KCNQ1: variants seen among roughly 807,000 people sequenced by gnomAD.
KCNQ1 encodes the protein potassium voltage-gated channel subfamily KQT member 1.
In KCNQ1, 49 loss-of-function variants were observed where a neutral mutation model predicts 72.4. That is an observed-to-expected ratio of 0.68 (90% confidence interval 0.54 to 0.86). The LOEUF (loss-of-function observed/expected upper bound fraction) is 0.86. Among genes scored for constraint, KCNQ1 ranks in the 40% least tolerant of loss-of-function variants. The pLI is 0.00. For synonymous variants in KCNQ1, 450 were observed against 412.6 expected (o/e 1.09, Z -1.10); for missense variants, 790 against 945.1 (o/e 0.84, Z 2.15).
At chr11:2,795,870 CG>C (rs1242713011) in intron 15 of KCNQ1, among the ~76,000 whole-genome samples, 1 of 152,080 alleles carries the variant, frequency 6.6e-6, no homozygotes, top group African/African-American at 2.4e-5. Context: ...TCCCATGGGG[CG>C]GGGGCCGGGG....
rs12275365 is a variant in KCNQ1, at chr11:2,830,604, G to A, written c.1795-17163G>A. 5.4e-3 allele frequency among the ~76,000 whole-genome samples: 819 copies of A among 152,232 alleles called. 6 individuals carry two copies. The highest frequency in any genetic ancestry group is 0.019 in the African/African-American group (786 of 41,546). ...AATCTCTCATCAACTCACAGGGTCAGCCTGGGCCAGGCAGGCTGGGGGCCA... is the reference window on the plus strand; with the variant it reads ...AATCTCTCATCAACTCACAGGGTCAACCTGGGCCAGGCAGGCTGGGGGCCA... On this transcript the variant is annotated intron_variant, in intron 15 of 15. Coordinates refer to ENST00000155840, the MANE Select transcript of KCNQ1 (RefSeq NM_000218.3). The surrounding 1 kb of genome is among the most constrained non-coding windows in gnomAD (Gnocchi z 7.7).
intron 1 of KCNQ1, among the ~76,000 whole-genome samples, chr11:2,456,800 G>A (rs761408073): frequency 1.4e-4 from 20 of 145,728 alleles, no homozygotes; most frequent in East Asian, 1.2e-3. Flanking sequence ...TTAGCCGGGC[G>A]TGGGGGTGGG....
chr11:2,727,381 G>A (rs1040251316), intron 11 of KCNQ1, among the ~76,000 whole-genome samples: 8 of 152,184 alleles, frequency 5.3e-5, no homozygotes, highest in East Asian at 1.9e-4. Context: ...GGCGCAGGAC[G>A]GCACCCAAGG....
At position 2,803,992 on chromosome 11, in the gene KCNQ1, G is replaced by A. The variant is rs1406355003; in HGVS notation, c.1794+25955G>A. 6.6e-6 allele frequency among the ~76,000 whole-genome samples: 1 copy of A among 152,206 alleles called. No individual in the cohort carries two copies. Among genetic ancestry groups the A allele is most frequent in the Non-Finnish European group, 1.5e-5 (1 of 68,042 alleles). On this transcript the variant is annotated intron_variant, in intron 15 of 15. Coordinates refer to ENST00000155840, the MANE Select transcript of KCNQ1 (RefSeq NM_000218.3). This position sits in a 1 kb window ranked among gnomAD's most constrained non-coding sequence, Gnocchi z 6.4. ...TGTGGCCGCAGCCCCAACTGCAGCG[G>A]AAGGTATCGGGGAGTCGAAGGCAGA...
Position 2,836,853 on chromosome 11 carries a change from T to C in KCNQ1, c.1795-10914T>C, listed in dbSNP as rs7936101. ...CTGGTTACCTGGCAGGCAGGGGCCC[T>C]AGAGGGAAATGGGGCAGGTGAAATG... On this transcript the variant is annotated intron_variant, in intron 15 of 15. Coordinates refer to ENST00000155840, the MANE Select transcript of KCNQ1 (RefSeq NM_000218.3). Among the ~76,000 whole-genome samples the C allele has an allele frequency of 6.4e-3, 981 of 152,310 alleles. 9 individuals are homozygous for C. The highest frequency in any genetic ancestry group is 0.022 in the African/African-American group (917 of 41,566).
At chr11:2,793,050 G>A (rs1847061762) in intron 15 of KCNQ1, among the ~76,000 whole-genome samples, 1 of 152,232 alleles carries the variant, frequency 6.6e-6, no homozygotes, top group Non-Finnish European at 1.5e-5. Flanking sequence ...TGTCCAGCAG[G>A]GTGAACACCC....
chr11:2,546,062 T>C (rs749524070), intron 2 of KCNQ1, among the ~76,000 whole-genome samples: 20 of 152,264 alleles, frequency 1.3e-4, no homozygotes, highest in Non-Finnish European at 2.1e-4. Context: ...TTTTCTCGTT[T>C]CTTAAGGTGG....
Position 2,746,208 on chromosome 11 carries a change from TA to T in KCNQ1, c.1515-22635del, listed in dbSNP as rs1422053277. Among the ~76,000 whole-genome samples, 1 of 152,202 alleles carries T rather than the reference TA, an allele frequency of 6.6e-6. No homozygotes were observed. The highest frequency in any genetic ancestry group is 1.5e-5 in the Non-Finnish European group (1 of 68,038). On this transcript the variant is annotated intron_variant, in intron 11 of 15. Coordinates refer to ENST00000155840, the MANE Select transcript of KCNQ1 (RefSeq NM_000218.3). The surrounding 1 kb of genome is among the most constrained non-coding windows in gnomAD (Gnocchi z 5.9). The stretch of plus-strand genomic sequence containing the variant: ...CCCAGCCTCTTGCCGTCATTTTTTT[TA>T]TTTTAAATAAACTTTGATTTTAGAA...
rs1850420625 is a variant in KCNQ1, at chr11:2,682,773, G to A, written c.1514+20692G>A. On this transcript the variant is annotated intron_variant, in intron 11 of 15. Coordinates refer to ENST00000155840, the MANE Select transcript of KCNQ1 (RefSeq NM_000218.3). The surrounding 1 kb of genome is among the most constrained non-coding windows in gnomAD (Gnocchi z 5.8). ...TCTCTGTTGACATTCTAGAAATGCA[G>A]GGAAATCTGGGCACCATGAAATGCA... The A allele has an allele frequency of 2.5e-6, 1 of 398,538 alleles. No homozygotes were observed. Among genetic ancestry groups the A allele is most frequent in the Non-Finnish European group, 4.4e-6 (1 of 226,102 alleles). The allele number at this position is 398,538 out of a possible 1,614,324, so 24.7% of individuals were successfully genotyped here.
rs1845944736 is a variant in KCNQ1 at position 2,735,656 on chromosome 11, G to A, written c.1515-33188G>A. Reference sequence around the variant, plus strand: ...CTGTCACCACCAAGACCACAGTGGGGCAGTTTAAACAGCAGGCATTCATCC... The same window carrying A: ...CTGTCACCACCAAGACCACAGTGGGACAGTTTAAACAGCAGGCATTCATCC... On this transcript the variant is annotated intron_variant, in intron 11 of 15. Coordinates refer to ENST00000155840, the MANE Select transcript of KCNQ1 (RefSeq NM_000218.3). The surrounding 1 kb of genome is among the most constrained non-coding windows in gnomAD (Gnocchi z 7.7). Among the ~76,000 whole-genome samples, 1 of 151,958 alleles carries A rather than the reference G, an allele frequency of 6.6e-6. No individual in the cohort carries two copies. Among genetic ancestry groups the A allele is most frequent in the Admixed American group, 6.6e-5 (1 of 15,254 alleles).
chr11:2,697,858 C>G (rs1010742478), intron 11 of KCNQ1: 4 of 398,622 alleles, frequency 1.0e-5, no homozygotes, highest in South Asian at 2.5e-4. Flanking sequence ...TGGACATGCT[C>G]TGATTCGCAA....
intron 7 of KCNQ1, among the ~76,000 whole-genome samples, chr11:2,584,013 G>A (rs1046177301): frequency 6.6e-6 from 1 of 152,068 alleles, no homozygotes; most frequent in Non-Finnish European, 1.5e-5. Flanking sequence ...ATGTGCGTAT[G>A]TGCATAATAT....
At chr11:2,718,908 TAAGG>T (rs1169769791) in intron 11 of KCNQ1, among the ~76,000 whole-genome samples, 3 of 152,228 alleles carry the variant, frequency 2.0e-5, no homozygotes, top group Non-Finnish European at 4.4e-5. Flanking sequence ...CCATGCACCT[TAAGG>T]TCAGGAAGTC....
In KCNQ1 at chr11:2,620,813, T is replaced by C; in HGVS notation, c.1393+31959T>C. On this transcript the variant is annotated intron_variant, in intron 10 of 15. Transcript: ENST00000155840. This position sits in a 1 kb window ranked among gnomAD's most constrained non-coding sequence, Gnocchi z 4.5. ...CTAATTTGTATTCCTGCCAACAGTG[T>C]ATAAGCGTTCCCTTTTCTCTGCAGC... 2.5e-6 allele frequency: 1 copy of C among 398,666 alleles called. No individual in the cohort carries two copies. Among genetic ancestry groups the C allele is most frequent in the African/African-American group, 2.1e-5 (1 of 48,766 alleles). The allele number at this position is 398,666 out of a possible 1,614,324, so 24.7% of individuals were successfully genotyped here.
chr11:2,700,165 G>A (rs2133904161), intron 11 of KCNQ1, among the ~76,000 whole-genome samples: 1 of 152,308 alleles, frequency 6.6e-6, no homozygotes, highest in South Asian at 2.1e-4. Context: ...AAAGAGTCTC[G>A]TTTTGATGCC....
intron 11 of KCNQ1, chr11:2,662,803 G>A (rs1307212239): frequency 3.0e-5 from 12 of 398,882 alleles, no homozygotes; most frequent in Non-Finnish European, 4.9e-5. Flanking sequence ...GTCAAGATCT[G>A]TGAGTGACAC....
At chr11:2,722,656 G>T (rs527995485) in intron 11 of KCNQ1, among the ~76,000 whole-genome samples, 1 of 152,098 alleles carries the variant, frequency 6.6e-6, no homozygotes, top group African/African-American at 2.4e-5. Flanking sequence ...CGGCAGTGGC[G>T]GACCGAGAGT....
chr11:2,800,562 C>T (rs749551401), intron 15 of KCNQ1, among the ~76,000 whole-genome samples: 7 of 152,220 alleles, frequency 4.6e-5, no homozygotes, highest in Admixed American at 2.0e-4. Flanking sequence ...GCCTGGGTCC[C>T]GCACAGGATT....
chr11:2,641,210 T>C (rs1849571279), intron 10 of KCNQ1: 1 of 398,526 alleles, frequency 2.5e-6, no homozygotes, highest in Admixed American at 4.4e-5. Context: ...GATTATGTCA[T>C]ATTTCTCTTT....
Sources: allele counts gnomAD v4.1 joint callset (sites outside exome capture counted in the v4.1 genomes callset), GRCh38; gene constraint gnomAD v4.1.1; non-coding constraint Gnocchi (gnomAD v3.1); transcripts MANE v1.5; gene names NCBI Gene and HGNC (gene_info 2026-07-23, HGNC 2026-07-21).